TPCN2: variants seen among roughly 807,000 people sequenced by gnomAD.
The protein encoded by TPCN2 is two pore channel protein 2.
TPCN2 carries 92 observed loss-of-function variants against 111.4 expected under a neutral mutation model. The ratio of observed to expected loss-of-function variants is 0.83; its 90% CI spans 0.70 to 0.98. The LOEUF is 0.98. TPCN2 is among the 50% of genes least tolerant of loss of function. TPCN2 has a pLI of 0.00. For missense variants in TPCN2, 995 were observed against 980.1 expected (o/e 1.02, Z -0.20); for synonymous variants, 405 against 414.5 (o/e 0.98, Z 0.28).
At chr11:69,080,658 G>A (rs886786887) in intron 17 of TPCN2, among the ~76,000 whole-genome samples, 1 of 152,204 alleles carries the variant, frequency 6.6e-6, no homozygotes, top group African/African-American at 2.4e-5. Context: ...GAGTCGCTTG[G>A]TGGGGGTGGG....
chr11:69,073,122 CT>C, intron 13 of TPCN2, 121 bp downstream of exon 13: 2 of 711,168 alleles, frequency 2.8e-6, no homozygotes, highest in Middle Eastern at 2.5e-4. Flanking sequence ...GGGATCCTGG[CT>C]CCTAGTATGG....
chr11:69,064,890 TGTGC>T (rs1855195778), intron 7 of TPCN2, among the ~76,000 whole-genome samples: 2 of 152,044 alleles, frequency 1.3e-5, no homozygotes, highest in African/African-American at 4.8e-5. Flanking sequence ...TGTTTGTATG[TGTGC>T]ATGTGTAGTG....
At chr11:69,084,078 C>A in intron 19 of TPCN2, 62 bp downstream of exon 19, 1 of 1,549,398 alleles carries the variant, frequency 6.5e-7, no homozygotes, top group Non-Finnish European at 8.9e-7. Context: ...GGGAGGCTGG[C>A]GGAAGGCAGT....
intron 11 of TPCN2, 52 bp downstream of exon 11, chr11:69,072,075 C>A: frequency 6.6e-7 from 1 of 1,506,236 alleles, no homozygotes; most frequent in South Asian, 1.2e-5. Context: ...GCTGTGGCTG[C>A]TGGGCAGGGG....
intron 23 of TPCN2, 66 bp from the exon 24 acceptor site, chr11:69,087,046 C>A: frequency 2.1e-6 from 3 of 1,430,826 alleles, no homozygotes; most frequent in Non-Finnish European, 2.9e-6. Flanking sequence ...CTGGAGGGGC[C>A]GGGGATGGGG....
chr11:69,079,983 C>A, intron 17 of TPCN2, 100 bp downstream of exon 17: 1 of 1,151,556 alleles, frequency 8.7e-7, no homozygotes, highest in South Asian at 1.3e-5. Flanking sequence ...TGGGTCTGCT[C>A]TGACTCTAGG....
chr11:69,070,296 G>A (rs1855464736), intron 8 of TPCN2, 134 bp from the exon 9 acceptor site: 1 of 679,036 alleles, frequency 1.5e-6, no homozygotes, highest in African/African-American at 1.8e-5. Flanking sequence ...AAAGTGCTGG[G>A]ATTACAGGCG....
At chr11:69,059,393 A>T (rs993111267) in intron 5 of TPCN2, among the ~76,000 whole-genome samples, 1 of 151,996 alleles carries the variant, frequency 6.6e-6, no homozygotes, top group Admixed American at 6.5e-5. Flanking sequence ...CAGAGCGGGG[A>T]CCCAGAATGG....
rs1055024550 is a variant in TPCN2, at chr11:69,086,514, C to T, written c.2004-9C>T. On this transcript the variant is annotated splice_polypyrimidine_tract_variant and intron_variant, in intron 22 of 24. Transcript: ENST00000294309. ...CGTGGTTCACAGGGTGGGTCTCTGT[C>T]CTCCGCAGGTGGTCCAAGATCTATT... 6.2e-7 allele frequency: 1 copy of T among 1,613,506 alleles called. No individual in the cohort carries two copies. Among genetic ancestry groups the T allele is most frequent in the Non-Finnish European group, 8.5e-7 (1 of 1,179,544 alleles).
At position 69,049,095 on chromosome 11, in the gene TPCN2, A is replaced by G; in HGVS notation, c.98A>G (p.Gln33Arg). The G allele has an allele frequency of 1.6e-6, 2 of 1,241,898 alleles. No homozygotes were observed. Among genetic ancestry groups the G allele is most frequent in the Non-Finnish European group, 2.0e-6 (2 of 987,730 alleles). The allele number at this position is 1,241,898 out of a possible 1,614,324, so 76.9% of individuals were successfully genotyped here. A position where few individuals can be genotyped will look rare whatever the true frequency, so the allele number is the denominator to read the frequency against. ...PAGLTTYRSI[Q>R]VGPGAAARWD... ...GGGCTGACCACTTACCGCAGCATCCAAGTCGGCCCTGGTGAGCCGCCCGGA... is the reference window on the plus strand; with the variant it reads ...GGGCTGACCACTTACCGCAGCATCCGAGTCGGCCCTGGTGAGCCGCCCGGA... Residue 33 changes from glutamine to arginine, a missense_variant, in exon 1 of 25, where the codon CAA (glutamine) becomes CGA (arginine). Gln to Arg is a conservative substitution (Grantham distance 43). Transcript: ENST00000294309.
chr11:69,074,086 G>C (rs1247429159), intron 13 of TPCN2, among the ~76,000 whole-genome samples: 2 of 152,200 alleles, frequency 1.3e-5, no homozygotes, highest in Non-Finnish European at 2.9e-5. Flanking sequence ...TACGAATTTC[G>C]AGGGAGACAA....
At chr11:69,075,543 C>A (rs932803243) in intron 13 of TPCN2, among the ~76,000 whole-genome samples, 2 of 152,194 alleles carry the variant, frequency 1.3e-5, no homozygotes, top group African/African-American at 2.4e-5. Flanking sequence ...ACGCAGAGCC[C>A]GCTGACGTGA....
At chr11:69,076,336 G>A (rs1373496052) in intron 13 of TPCN2, among the ~76,000 whole-genome samples, 5 of 152,180 alleles carry the variant, frequency 3.3e-5, no homozygotes, top group Admixed American at 1.3e-4. Context: ...TGGTCCTGCC[G>A]AGGGAATTCG....
In TPCN2 at chr11:69,067,612, G is replaced by T. The variant is rs1042848748; in HGVS notation, c.829+7G>T. ...ACGGCCAACAACCCCGATGGTGCGT[G>T]CAGGGCCAGGGAGGGACCGTGGGGG... On this transcript the variant is annotated splice_region_variant and intron_variant, in intron 8 of 24. Coordinates refer to ENST00000294309, the MANE Select transcript of TPCN2 (RefSeq NM_139075.4). The T allele has an allele frequency of 1.9e-6, 3 of 1,613,252 alleles. No individual in the cohort carries two copies. Among genetic ancestry groups the T allele is most frequent in the African/African-American group, 2.7e-5 (2 of 74,954 alleles).
Position 69,078,544 on chromosome 11 carries a change from C to T in TPCN2, c.1293C>T (p.His431=), listed in dbSNP as rs745337070. 3 of 1,614,166 alleles carry T rather than the reference C, an allele frequency of 1.9e-6. No individual in the cohort carries two copies. Among genetic ancestry groups the T allele is most frequent in the East Asian group, 4.5e-5 (2 of 44,884 alleles). Residue 431 remains histidine (H), a synonymous_variant, in exon 14 of 25, where the codon CAC becomes CAT. Coordinates refer to ENST00000294309, the MANE Select transcript of TPCN2 (RefSeq NM_139075.4). ...AGAGCGCCCAGTTCCTCTTCGGCCA[C>T]TACTACTTTGACTACCTGGGGAACC... The part of the protein sequence containing the change: ...FLQSAQFLFG[H]YYFDYLGNLI...
At chr11:69,073,034 G>C (rs748748614) in intron 13 of TPCN2, 33 bp downstream of exon 13, 2 of 1,528,414 alleles carry the variant, frequency 1.3e-6, no homozygotes, top group Non-Finnish European at 1.8e-6. Context: ...AGGGTGGATA[G>C]TGGGGGCCTT....
intron 20 of TPCN2, 30 bp from the exon 21 acceptor site, chr11:69,085,641 C>T (rs913343086): frequency 1.4e-6 from 2 of 1,467,552 alleles, no homozygotes; most frequent in African/African-American, 1.4e-5. Flanking sequence ...GGAGCCCCCG[C>T]CCCTGACCCA....
At chr11:69,050,484 T>C (rs988524328) in intron 1 of TPCN2, among the ~76,000 whole-genome samples, 1 of 152,172 alleles carries the variant, frequency 6.6e-6, no homozygotes, top group African/African-American at 2.4e-5. Flanking sequence ...TTGAAGCGAT[T>C]CTCCCGCCTC....
At chr11:69,053,261 TCAC>T (rs1197351051) in intron 1 of TPCN2, among the ~76,000 whole-genome samples, 1 of 152,186 alleles carries the variant, frequency 6.6e-6, no homozygotes, top group Non-Finnish European at 1.5e-5. Context: ...CGGCCACCCT[TCAC>T]CACAGAAGGC....
Sources: allele counts gnomAD v4.1 joint callset (sites outside exome capture counted in the v4.1 genomes callset), GRCh38; gene constraint gnomAD v4.1.1; transcripts MANE v1.5; gene names NCBI Gene and HGNC (gene_info 2026-07-23, HGNC 2026-07-21).